HELZ2: variants seen among roughly 807,000 people sequenced by gnomAD.
The protein encoded by HELZ2 is 3'-5' exoribonuclease HELZ2.
Under a neutral mutation model 208.8 loss-of-function variants are expected in HELZ2, and 143 were observed. The observed-to-expected ratio is 0.68, with a 90% CI of 0.60 to 0.79. HELZ2 has a LOEUF of 0.79. Ranked by LOEUF, HELZ2 falls within the 30% of genes least tolerant of loss-of-function variation. The pLI, the probability that HELZ2 is intolerant of heterozygous loss-of-function variation, is 0.00. For synonymous variants in HELZ2, 1,705 were observed against 1,693.7 expected (o/e 1.01, Z -0.16); for missense variants, 3,690 against 3,794.5 (o/e 0.97, Z 0.72).
downstream of HELZ2, chr20:63,559,078 G>C (rs543719119): frequency 5.6e-6 from 4 of 713,548 alleles, no homozygotes; most frequent in South Asian, 2.1e-5. Flanking sequence ...TGTGGGGACC[G>C]GCCCTTGCCG....
At chr20:63,569,762 C>T in intron 3 of HELZ2, 97 bp from the exon 5 acceptor site, 1 of 1,275,246 alleles carries the variant, frequency 7.8e-7, no homozygotes, top group Non-Finnish European at 1.0e-6. Flanking sequence ...GGGTTCAGGT[C>T]CTGGCCCTGC....
At chr20:63,561,640 C>T in exon 12 of HELZ2, 1 of 1,612,180 alleles carries the variant, frequency 6.2e-7, no homozygotes, top group Non-Finnish European at 8.5e-7. Context: ...GGGGCTCTTC[C>T]TGAGCAGCTT....
At chr20:63,570,208 C>T in intron 3 of HELZ2, 1 of 547,026 alleles carries the variant, frequency 1.8e-6, no homozygotes. Context: ...GATCCACCTG[C>T]CTCGGTCTCC....
At chr20:63,559,164 G>A, downstream of HELZ2, 1 of 1,403,906 alleles carries the variant, frequency 7.1e-7, no homozygotes, top group Non-Finnish European at 9.5e-7. Flanking sequence ...CAGGCAGGCT[G>A]ATGGCGGAGG....
exon 8 of HELZ2, chr20:63,562,831 G>GGAC (rs2082904126): frequency 6.2e-7 from 1 of 1,610,296 alleles, no homozygotes; most frequent in South Asian, 1.1e-5. Flanking sequence ...TGTCGGCACA[G>GGAC]TTCTCCTCGA....
At chr20:63,561,568 A>G (rs753766191) in intron 12 of HELZ2, 33 bp downstream of exon 13, 1 of 1,584,360 alleles carries the variant, frequency 6.3e-7, no homozygotes, top group Non-Finnish European at 8.6e-7. Context: ...GCTCGGCCCC[A>G]CTCCGCCCAA....
exon 8 of HELZ2, chr20:63,562,556 A>T (rs1215962791): frequency 6.3e-7 from 1 of 1,596,592 alleles, no homozygotes; most frequent in South Asian, 1.1e-5. Flanking sequence ...CTCAACGGTG[A>T]ACAGGGTGCC....
chr20:63,562,736 A>C (rs2082902785), exon 8 of HELZ2: 1 of 1,603,508 alleles, frequency 6.2e-7, no homozygotes, highest in Non-Finnish European at 8.5e-7. Context: ...GCCAGGGCCG[A>C]GGCTGCTGGG....
chr20:63,565,946 C>A, exon 8 of HELZ2: 2 of 1,598,912 alleles, frequency 1.3e-6, no homozygotes, highest in Non-Finnish European at 1.7e-6. Context: ...AGGCCAGCGC[C>A]GTCTCTGCGC....
At chr20:63,567,738 G>C in intron 5 of HELZ2, 111 bp from the exon 7 acceptor site, 1 of 1,475,108 alleles carries the variant, frequency 6.8e-7, no homozygotes, top group Non-Finnish European at 9.0e-7. Flanking sequence ...CCCTTGTCTG[G>C]CTGTCAGAGG....
chr20:63,560,131 G>GGCCCCCCCCCCCGCCCCCCCCCC, intron 17 of HELZ2, 36 bp from the exon 19 acceptor site: 1 of 1,531,082 alleles, frequency 6.5e-7, no homozygotes, highest in Non-Finnish European at 8.8e-7. Context: ...CTGCCGCTGC[G>GGCCCCCCCCCCCGCCCCCCCCCC]CCCACCCTCC....
In HELZ2 at chr20:63,560,698, C is replaced by A. The variant is rs767982994; in HGVS notation, c.7282-1G>T. The A allele has an allele frequency of 6.2e-7, 1 of 1,608,090 alleles. No homozygotes were observed. The highest frequency in any genetic ancestry group is 8.5e-7 in the Non-Finnish European group (1 of 1,179,822). On this transcript the variant is annotated splice_acceptor_variant, in intron 15 of 18. Coordinates refer to ENST00000467148, the Ensembl canonical transcript of HELZ2. LOFTEE classifies it high-confidence loss of function. Reference sequence around the variant, plus strand: ...AGGGGAAGGCACAGATGCCCTCATGCTGCAGGCAAGGATGTGCGCTGGTCA... The same window carrying A: ...AGGGGAAGGCACAGATGCCCTCATGATGCAGGCAAGGATGTGCGCTGGTCA...
At chr20:63,568,121 C>T in intron 5 of HELZ2, 1 of 579,228 alleles carries the variant, frequency 1.7e-6, no homozygotes, top group Non-Finnish European at 3.0e-6. Flanking sequence ...GCAGCCTTCC[C>T]CGTGACACTC....
chr20:63,562,958 G>A lies in HELZ2; in HGVS notation c.5864C>T (p.Thr1955Ile), dbSNP rs757529225. 7 of 1,591,132 alleles carry A rather than the reference G, an allele frequency of 4.4e-6. No homozygotes were observed. The South Asian group carries it at 6.8e-5, about 15-fold the overall frequency. The stretch of plus-strand genomic sequence containing the variant: ...GGAGTCATTCTCGGCAACCGCGCCG[G>A]TGGCCGACTCCAGGGCGCAGAATGG... The change falls in exon 8 of 19, where the codon ACC (threonine) becomes ATC (isoleucine). Residue 1955 changes from threonine (T) to isoleucine (I), a missense_variant. By Grantham distance (89) the Thr-to-Ile change is moderately conservative. This residue lies in a region of HELZ2 where 2,564 missense variants were observed against 2,580.5 expected (regional missense o/e 0.99). Transcript: ENST00000467148.
rs145774281 is a variant in HELZ2 at position 63,559,276 on chromosome 20, G to A, written c.7920C>T (p.Arg2640=). The A allele has an allele frequency of 1.3e-3, 2,120 of 1,585,042 alleles. 7 individuals are homozygous for A. Among genetic ancestry groups the A allele is most frequent in the African/African-American group, 0.011 (826 of 74,824 alleles). The change falls in exon 19 of 19, where the codon CGC becomes CGT. Residue 2640 remains arginine, a synonymous_variant. Transcript: ENST00000467148. Reference sequence around the variant, plus strand: ...AAGGCATAGTTGGCCTCCTGCAGACGCGCACCTGGCCGGCAGGCACGAGGG... The same window carrying A: ...AAGGCATAGTTGGCCTCCTGCAGACACGCACCTGGCCGGCAGGCACGAGGG...
At chr20:63,573,767 TG>T (rs34951285), upstream of HELZ2, among the ~76,000 whole-genome samples, 24,450 of 152,020 alleles carry the variant, frequency 0.16, 2,881 homozygotes, top group East Asian at 0.55. This position sits in a 1 kb window ranked among gnomAD's most constrained non-coding sequence, Gnocchi z 4.9. Flanking sequence ...CAGGAAGAGA[TG>T]GGTCCCCGGG....
At chr20:63,562,354 C>G in exon 9 of HELZ2, 1 of 1,593,814 alleles carries the variant, frequency 6.3e-7, no homozygotes, top group Non-Finnish European at 8.5e-7. Context: ...GACGCCTCCT[C>G]TAGTCCACGC....
At chr20:63,560,799 C>T (rs769475511) in exon 15 of HELZ2, 14 of 1,611,154 alleles carry the variant, frequency 8.7e-6, no homozygotes, top group Admixed American at 5.0e-5. Flanking sequence ...GCTCACCATG[C>T]GGTACTGAGT....
exon 6 of HELZ2, chr20:63,567,458 T>C: frequency 6.4e-7 from 1 of 1,557,972 alleles, no homozygotes; most frequent in Non-Finnish European, 8.7e-7. Context: ...TCTGCCCGTG[T>C]GGGCGGGCGG....
Sources: gnomAD v4.1 joint callset for allele counts (sites outside exome capture counted in the v4.1 genomes callset) on GRCh38, gnomAD v4.1.1 for gene constraint, gnomAD v4.1.1 regional missense constraint, Gnocchi (gnomAD v3.1) non-coding constraint, MANE v1.5 for transcripts, NCBI Gene and HGNC (gene_info 2026-07-23, HGNC 2026-07-21) for gene names.